The following ZNF804A variants were observed in gnomAD, a reference collection of about 807,000 sequenced individuals.
ZNF804A encodes the protein zinc finger protein 804A.
ZNF804A carries 2 observed loss-of-function variants against 16.5 expected under a neutral mutation model. That is an observed-to-expected ratio of 0.12 (90% confidence interval 0.05 to 0.38). ZNF804A has a LOEUF of 0.38. Ranked by LOEUF, ZNF804A falls within the 10% of genes least tolerant of loss-of-function variation. The pLI is 0.99. For missense variants in ZNF804A, 1,473 were observed against 1,390.7 expected, an observed-to-expected ratio of 1.06 and a Z score of -0.94; for synonymous variants, 534 against 489.6, an observed-to-expected ratio of 1.09 and a Z score of -1.20.
chr2:184,799,008 G>A (rs62176259), intron 1 of ZNF804A, among the ~76,000 whole-genome samples: 2,369 of 152,012 alleles, frequency 0.016, 31 homozygotes, highest in Non-Finnish European at 0.023. Context: ...CTCTGTTCTC[G>A]GTCTAGCCAC....
intron 1 of ZNF804A, among the ~76,000 whole-genome samples, chr2:184,697,996 T>C (rs1692860518): frequency 6.6e-6 from 1 of 152,054 alleles, no homozygotes; most frequent in African/African-American, 2.4e-5. Context: ...ATTTCATACA[T>C]AGACTTTTAT....
intron 1 of ZNF804A, among the ~76,000 whole-genome samples, chr2:184,785,755 A>T (rs991537473): frequency 6.6e-6 from 1 of 152,074 alleles, no homozygotes; most frequent in Non-Finnish European, 1.5e-5. Flanking sequence ...TTAAACATAG[A>T]TACCACACAT....
chr2:184,785,672 ATAGG>A (rs1015346195), intron 1 of ZNF804A, among the ~76,000 whole-genome samples: 13 of 152,048 alleles, frequency 8.5e-5, no homozygotes, highest in South Asian at 6.2e-4. Context: ...ATATAAATAA[ATAGG>A]TAGGCATATA....
At chr2:184,676,970 A>G (rs1332619818) in intron 1 of ZNF804A, among the ~76,000 whole-genome samples, 1 of 151,908 alleles carries the variant, frequency 6.6e-6, no homozygotes, top group East Asian at 1.9e-4. Context: ...ATTTTGTTTG[A>G]AAGTATTATT....
chr2:184,788,048 C>T (rs1225198097), intron 1 of ZNF804A, among the ~76,000 whole-genome samples: 1 of 151,756 alleles, frequency 6.6e-6, no homozygotes, highest in Non-Finnish European at 1.5e-5. Flanking sequence ...GTTTCATTCT[C>T]CTGCATGTTG....
In ZNF804A at chr2:184,734,818, T is replaced by C. The variant is rs902068483; in HGVS notation, c.112-131551T>C. 2.0e-5 allele frequency among the ~76,000 whole-genome samples: 3 copies of C among 152,254 alleles called. No homozygotes were observed. In the East Asian group the frequency reaches 5.8e-4, roughly 29 times the overall value. ...CTGCTTTTCCTTGCAATTCTAGCAG[T>C]TTTTTCCTCGTATAACATGATGGTT... On this transcript the variant is annotated intron_variant, in intron 1 of 3. Coordinates refer to ENST00000302277, the MANE Select transcript of ZNF804A (RefSeq NM_194250.2).
At chr2:184,922,510 G>T (rs1685544382) in intron 2 of ZNF804A, among the ~76,000 whole-genome samples, 1 of 152,018 alleles carries the variant, frequency 6.6e-6, no homozygotes, top group Non-Finnish European at 1.5e-5. Context: ...TGCCTTGTCA[G>T]ATGGGTAGTT....
chr2:184,729,656 C>A (rs1216318176), intron 1 of ZNF804A, among the ~76,000 whole-genome samples: 2 of 152,050 alleles, frequency 1.3e-5, no homozygotes, highest in East Asian at 3.8e-4. Context: ...AAATGAGTTG[C>A]TTAATCAAAC....
intron 1 of ZNF804A, among the ~76,000 whole-genome samples, chr2:184,791,223 G>A (rs1694534391): frequency 6.6e-6 from 1 of 152,032 alleles, no homozygotes; most frequent in Non-Finnish European, 1.5e-5. Context: ...AGTGTTGTTG[G>A]CTAGTTGTTT....
chr2:184,903,345 G>A (rs1282649873), intron 2 of ZNF804A, among the ~76,000 whole-genome samples: 11 of 151,920 alleles, frequency 7.2e-5, no homozygotes, highest in East Asian at 3.9e-4. Flanking sequence ...TTACTGTACC[G>A]TTTCTATGTT....
At chr2:184,871,415 C>CA (rs71407821) in intron 2 of ZNF804A, among the ~76,000 whole-genome samples, 36,336 of 105,342 alleles carry the variant, frequency 0.34, 5,176 homozygotes, top group African/African-American at 0.45. Context: ...ATTACTCCAG[C>CA]AAAAAAAAAA....
At chr2:184,856,998 T>G (rs917106454) in intron 1 of ZNF804A, among the ~76,000 whole-genome samples, 1 of 152,124 alleles carries the variant, frequency 6.6e-6, no homozygotes, top group East Asian at 1.9e-4. Context: ...GTCTTTACTA[T>G]TTCGTTCCTT....
chr2:184,660,913 T>A (rs1448289819), intron 1 of ZNF804A, among the ~76,000 whole-genome samples: 1 of 152,256 alleles, frequency 6.6e-6, no homozygotes, highest in African/African-American at 2.4e-5. Flanking sequence ...CTTTGGTAAC[T>A]CTATTCTCAT....
intron 1 of ZNF804A, among the ~76,000 whole-genome samples, chr2:184,816,213 C>G (rs898163136): frequency 2.6e-5 from 4 of 152,030 alleles, no homozygotes; most frequent in African/African-American, 9.7e-5. Flanking sequence ...ATTCAGCAAG[C>G]CACTAGGCAG....
intron 2 of ZNF804A, among the ~76,000 whole-genome samples, chr2:184,907,519 A>G (rs1685295939): frequency 6.6e-6 from 1 of 152,164 alleles, no homozygotes; most frequent in South Asian, 2.1e-4. Context: ...TGCTGAGAGC[A>G]TTCCTTTTTC....
rs114581638 is a variant in ZNF804A at position 184,678,613 on chromosome 2, C to T, written c.111+79543C>T. ...AGTCAACAGAGATACAGGATGATGC[C>T]GGAGAAAAGCATTTGCATTGCTTTT... On this transcript the variant is annotated intron_variant, in intron 1 of 3. Coordinates refer to ENST00000302277, the MANE Select transcript of ZNF804A (RefSeq NM_194250.2). Among the ~76,000 whole-genome samples, 1,377 of 152,076 alleles carry T rather than the reference C, an allele frequency of 9.1e-3. 22 individuals are homozygous for T. Among genetic ancestry groups the T allele is most frequent in the African/African-American group, 0.032 (1,316 of 41,484 alleles).
At chr2:184,642,061 T>C (rs1176101383) in intron 1 of ZNF804A, among the ~76,000 whole-genome samples, 1 of 152,122 alleles carries the variant, frequency 6.6e-6, no homozygotes, top group Non-Finnish European at 1.5e-5. Flanking sequence ...CACGTGACCA[T>C]GCACTCTTGA....
intron 1 of ZNF804A, among the ~76,000 whole-genome samples, chr2:184,810,865 G>A (rs1351810959): frequency 1.3e-5 from 2 of 152,116 alleles, no homozygotes; most frequent in Non-Finnish European, 2.9e-5. Context: ...ACCAGAATAA[G>A]AGCGTAGAAA....
intron 1 of ZNF804A, among the ~76,000 whole-genome samples, chr2:184,639,068 C>CTTTTTTTTT (rs34389839): frequency 9.3e-6 from 1 of 107,410 alleles, no homozygotes; most frequent in African/African-American, 3.9e-5. Flanking sequence ...AAGCCCCCTC[C>CTTTTTTTTT]TTTTTTTTTT....
Sources: gnomAD v4.1 joint callset for allele counts (sites outside exome capture counted in the v4.1 genomes callset) on GRCh38, gnomAD v4.1.1 for gene constraint, MANE v1.5 for transcripts, NCBI Gene and HGNC (gene_info 2026-07-23, HGNC 2026-07-21) for gene names.